Variants in TCF12 observed in about 807,000 individuals in gnomAD.
TCF12 encodes DNA-binding protein HTF4.
Under a neutral mutation model 86.0 loss-of-function variants are expected in TCF12, and 45 were observed. That is an observed-to-expected ratio of 0.52 (90% CI 0.41 to 0.67). The LOEUF is 0.67. TCF12 is among the 30% of genes least tolerant of loss of function. TCF12 has a pLI of 0.00. For missense variants in TCF12, 881 were observed against 859.9 expected, an observed-to-expected ratio of 1.02 and a Z score of -0.31; for synonymous variants, 330 against 299.6, an observed-to-expected ratio of 1.10 and a Z score of -1.05.
At chr15:57,070,726 G>A (rs906975914) in intron 4 of TCF12, among the ~76,000 whole-genome samples, 8 of 152,204 alleles carry the variant, frequency 5.3e-5, no homozygotes, top group South Asian at 4.1e-4. Context: ...TTTGTAGGTA[G>A]TGAGTTAGAA....
chr15:57,237,946 ATT>A (rs1483973551), intron 12 of TCF12, among the ~76,000 whole-genome samples: 1 of 152,198 alleles, frequency 6.6e-6, no homozygotes, highest in African/African-American at 2.4e-5. Flanking sequence ...CACCATACAC[ATT>A]CTTTTTATGA....
chr15:57,165,134 C>CTGTCTG (rs1555524380), intron 5 of TCF12, among the ~76,000 whole-genome samples: 5,265 of 147,190 alleles, frequency 0.036, 226 homozygotes, highest in Admixed American at 0.14. Flanking sequence ...GAATGTATGT[C>CTGTCTG]TGTGTGTGTG....
chr15:57,007,852 C>CCCTCCCTTCCTTCCTT (rs1265094460), intron 3 of TCF12, among the ~76,000 whole-genome samples: 3 of 101,250 alleles, frequency 3.0e-5, no homozygotes, highest in South Asian at 4.5e-4. Context: ...CTCTTTCCCT[C>CCCTCCCTTCCTTCCTT]CCTTCCTTCC....
chr15:56,959,328 A>T (rs1210565624), intron 3 of TCF12, among the ~76,000 whole-genome samples: 1 of 152,214 alleles, frequency 6.6e-6, no homozygotes, highest in African/African-American at 2.4e-5. Flanking sequence ...ACAGCTTTCT[A>T]ACAGTAGGAT....
chr15:57,136,549 G>A (rs2052534891), intron 5 of TCF12, among the ~76,000 whole-genome samples: 2 of 152,084 alleles, frequency 1.3e-5, no homozygotes, highest in South Asian at 2.1e-4. Flanking sequence ...TCAATTTCTA[G>A]TGTATTATCT....
intron 3 of TCF12, among the ~76,000 whole-genome samples, chr15:57,025,870 A>G (rs76616229): frequency 0.042 from 6,328 of 152,286 alleles, 369 homozygotes; most frequent in African/African-American, 0.13. Flanking sequence ...CGCTGAGATG[A>G]TGAATTCATT....
At chr15:57,177,639 T>C (rs1183127580) in intron 6 of TCF12, among the ~76,000 whole-genome samples, 1 of 19,576 alleles carries the variant, frequency 5.1e-5, no homozygotes, top group Non-Finnish European at 1.4e-4. Context: ...AGAGAGAGAG[T>C]TGGATTAGGC....
chr15:57,272,473 C>G (rs2061187932), intron 18 of TCF12, among the ~76,000 whole-genome samples: 1 of 152,222 alleles, frequency 6.6e-6, no homozygotes. Context: ...CTTAAGCTTT[C>G]CTTCTTTCTT....
At chr15:56,919,629 GA>G (rs2059680749) in intron 1 of TCF12, 1 of 289,390 alleles carries the variant, frequency 3.5e-6, no homozygotes, top group East Asian at 6.3e-5. Context: ...GACTGGCTCG[GA>G]AACTTGGGGG....
At chr15:57,053,821 A>G (rs979461042) in intron 3 of TCF12, among the ~76,000 whole-genome samples, 3 of 152,282 alleles carry the variant, frequency 2.0e-5, no homozygotes. Flanking sequence ...CAAAGAAATG[A>G]AGAATAAGAG....
At chr15:56,929,519 C>T (rs1049555707) in intron 3 of TCF12, among the ~76,000 whole-genome samples, 12 of 151,836 alleles carry the variant, frequency 7.9e-5, no homozygotes, top group Non-Finnish European at 1.5e-4. Flanking sequence ...AATGTGCTCT[C>T]ATGTGTTCCA....
chr15:57,042,675 A>T (rs113498784), intron 3 of TCF12, among the ~76,000 whole-genome samples: 1 of 152,132 alleles, frequency 6.6e-6, no homozygotes, highest in Non-Finnish European at 1.5e-5. Context: ...CTGTCTCCCA[A>T]AGTGCTGGGA....
intron 1 of TCF12, 76 bp from the exon 2 acceptor site, chr15:56,919,816 C>T (rs532913071): frequency 7.4e-7 from 1 of 1,345,208 alleles, no homozygotes; most frequent in East Asian, 2.4e-5. Flanking sequence ...CGTAATCTTC[C>T]CCAGTACCTC....
chr15:57,178,312 T>C (rs2056100484), intron 6 of TCF12, among the ~76,000 whole-genome samples: 5 of 152,208 alleles, frequency 3.3e-5, no homozygotes, highest in Admixed American at 3.3e-4. Flanking sequence ...ACTAAGAAGT[T>C]TAATGTTTTG....
In TCF12 at chr15:57,252,295, T is replaced by C. The variant is rs16977350; in HGVS notation, c.1189-126T>C. The C allele has an allele frequency of 9.3e-3, 6,017 of 644,300 alleles. 229 individuals are homozygous for C. The highest frequency in any genetic ancestry group is 0.079 in the African/African-American group (4,339 of 54,702). The allele number at this position is 644,300 out of a possible 1,614,324, so 39.9% of individuals were successfully genotyped here. A position where few individuals can be genotyped will look rare whatever the true frequency, so the allele number is the denominator to read the frequency against. ...CCTTTTCATATCTTAATAAAATAGA[T>C]CTCGCAAGTCTTGGCGTTAACTTTA... is the stretch of plus-strand genomic sequence containing the variant. On this transcript the variant is annotated intron_variant, in intron 14 of 20. Coordinates refer to ENST00000333725, the MANE Select transcript of TCF12 (RefSeq NM_207037.2).
At chr15:57,257,365 A>T (rs1193208294) in intron 16 of TCF12, among the ~76,000 whole-genome samples, 2 of 152,224 alleles carry the variant, frequency 1.3e-5, no homozygotes, top group African/African-American at 4.8e-5. Context: ...ATGGCAGGAT[A>T]AAAGTGGTAC....
At chr15:57,256,560 AC>A (rs2060357817) in intron 16 of TCF12, among the ~76,000 whole-genome samples, 1 of 40,552 alleles carries the variant, frequency 2.5e-5, no homozygotes, top group African/African-American at 8.9e-5. Context: ...CCCCACCCCC[AC>A]CCCGCCCCAC....
chr15:57,035,125 A>AC (rs1225080704), intron 3 of TCF12, among the ~76,000 whole-genome samples: 8 of 152,206 alleles, frequency 5.3e-5, no homozygotes, highest in Non-Finnish European at 1.0e-4. Context: ...CCCCAATGAG[A>AC]TTGGTACAGT....
chr15:57,223,643 G>GTTTTTTTTTTTTTTGTTTTTTTTTTTT (rs2058710732), intron 8 of TCF12, among the ~76,000 whole-genome samples: 1 of 69,666 alleles, frequency 1.4e-5, no homozygotes, highest in Non-Finnish European at 2.8e-5. Context: ...TACCAATGAG[G>GTTTTTTTTTTTTTTGTTTTTTTTTTTT]TTTTTTTTTT....
Sources: allele counts gnomAD v4.1 joint callset (sites outside exome capture counted in the v4.1 genomes callset), GRCh38; gene constraint gnomAD v4.1.1; transcripts MANE v1.5; gene names NCBI Gene and HGNC (gene_info 2026-07-23, HGNC 2026-07-21).